ASIC2: variants seen among roughly 807,000 people sequenced by gnomAD.
ASIC2 encodes acid-sensing ion channel 2.
ASIC2 carries 25 observed loss-of-function variants against 57.3 expected under a neutral mutation model. That is an observed-to-expected ratio of 0.44 (90% CI 0.32 to 0.61). The LOEUF (loss-of-function observed/expected upper bound fraction) is 0.61, where lower values mean the gene tolerates loss of function less well. Ranked by LOEUF, ASIC2 falls within the 20% of genes least tolerant of loss-of-function variation. The pLI, the probability that ASIC2 is intolerant of heterozygous loss-of-function variation, is 0.06. For synonymous variants in ASIC2, 319 were observed against 307.5 expected (o/e 1.04, Z -0.39); for missense variants, 641 against 738.1 (o/e 0.87, Z 1.52).
chr17:33,738,996 C>A (rs188771590), intron 1 of ASIC2, among the ~76,000 whole-genome samples: 65 of 152,282 alleles, frequency 4.3e-4, no homozygotes, highest in Non-Finnish European at 7.1e-4. Flanking sequence ...TTCTTTTGTC[C>A]TGGTTTGCCC....
chr17:33,898,069 C>T (rs1282162240), intron 1 of ASIC2, among the ~76,000 whole-genome samples: 1 of 152,062 alleles, frequency 6.6e-6, no homozygotes, highest in Non-Finnish European at 1.5e-5. Flanking sequence ...GGACATGCAA[C>T]AGGATTCCAA....
At chr17:34,129,965 C>T (rs1911902093) in intron 1 of ASIC2, among the ~76,000 whole-genome samples, 1 of 152,182 alleles carries the variant, frequency 6.6e-6, no homozygotes, top group African/African-American at 2.4e-5. Context: ...GGAGCTGGCC[C>T]AGTGGAGCAG....
intron 1 of ASIC2, among the ~76,000 whole-genome samples, chr17:33,827,335 C>CTTTTTTTTTTTTTTTTTT (rs1567726979): frequency 2.7e-5 from 1 of 36,734 alleles, no homozygotes; most frequent in Non-Finnish European, 6.3e-5. Flanking sequence ...TTGCAGCTCA[C>CTTTTTTTTTTTTTTTTTT]TCTTTTTTTT....
chr17:33,514,810 G>T (rs1051829785), intron 1 of ASIC2, among the ~76,000 whole-genome samples: 2 of 152,190 alleles, frequency 1.3e-5, no homozygotes, highest in African/African-American at 4.8e-5. Flanking sequence ...CCTGATTCAT[G>T]GCTTTGCTCA....
At chr17:34,102,551 T>C (rs1295087125) in intron 1 of ASIC2, among the ~76,000 whole-genome samples, 1 of 152,142 alleles carries the variant, frequency 6.6e-6, no homozygotes, top group Non-Finnish European at 1.5e-5. Flanking sequence ...TATAACCTCA[T>C]ATAAATAGAA....
chr17:33,159,199 T>C (rs1316935852), intron 1 of ASIC2, among the ~76,000 whole-genome samples: 2 of 152,190 alleles, frequency 1.3e-5, no homozygotes, highest in African/African-American at 2.4e-5. Flanking sequence ...ACAACAGTAA[T>C]TTGGGCTTAT....
chr17:33,954,337 A>G (rs1904670128), intron 1 of ASIC2, among the ~76,000 whole-genome samples: 1 of 152,092 alleles, frequency 6.6e-6, no homozygotes, highest in African/African-American at 2.4e-5. Flanking sequence ...CATGTGTGGG[A>G]GCAGTCAAAC....
At chr17:33,958,498 C>A (rs67312089) in intron 1 of ASIC2, among the ~76,000 whole-genome samples, 15,838 of 152,170 alleles carry the variant, frequency 0.1, 980 homozygotes, top group Middle Eastern at 0.17. Context: ...GGACCAACAC[C>A]ACATGGAAGC....
chr17:34,036,100 T>C (rs1907864344), intron 1 of ASIC2, among the ~76,000 whole-genome samples: 1 of 151,968 alleles, frequency 6.6e-6, no homozygotes, highest in Non-Finnish European at 1.5e-5. Context: ...ATATTCACAA[T>C]AGCAAAGACT....
intron 3 of ASIC2, among the ~76,000 whole-genome samples, chr17:33,040,204 G>A (rs1007165832): frequency 6.6e-6 from 1 of 152,222 alleles, no homozygotes; most frequent in Non-Finnish European, 1.5e-5. Flanking sequence ...TGCAGTGAGT[G>A]ATGGCTGGAG....
chr17:33,894,455 G>A (rs150981210), intron 1 of ASIC2, among the ~76,000 whole-genome samples: 74 of 152,104 alleles, frequency 4.9e-4, no homozygotes, highest in Non-Finnish European at 8.2e-4. Context: ...TATCAGCAGA[G>A]CGAGTTGTTC....
chr17:33,073,907 G>C (rs2092079239), intron 3 of ASIC2, among the ~76,000 whole-genome samples: 1 of 152,174 alleles, frequency 6.6e-6, no homozygotes, highest in African/African-American at 2.4e-5. Flanking sequence ...TGCCAACAGA[G>C]GGACAGAAGA....
chr17:33,775,613 C>T (rs945217816), intron 1 of ASIC2, among the ~76,000 whole-genome samples: 15 of 151,968 alleles, frequency 9.9e-5, no homozygotes, highest in East Asian at 1.9e-4. Flanking sequence ...GAGTGATGTG[C>T]GTGTGTAATG....
chr17:33,975,884 C>G (rs1464227661), intron 1 of ASIC2, among the ~76,000 whole-genome samples: 2 of 152,096 alleles, frequency 1.3e-5, no homozygotes, highest in Non-Finnish European at 2.9e-5. Flanking sequence ...ATTTAATCCT[C>G]AGGAATGTAA....
intron 3 of ASIC2, among the ~76,000 whole-genome samples, chr17:33,042,416 C>T (rs1052307194): frequency 6.6e-6 from 1 of 152,086 alleles, no homozygotes; most frequent in Non-Finnish European, 1.5e-5. Context: ...TCTTTTAATC[C>T]CCACAATAAC....
chr17:33,751,563 C>T (rs147164828), intron 1 of ASIC2, among the ~76,000 whole-genome samples: 87 of 152,124 alleles, frequency 5.7e-4, no homozygotes, highest in Admixed American at 1.8e-3. Flanking sequence ...ATTTTGAATT[C>T]CAAATCCATT....
At chr17:33,819,960 TG>T (rs1177887797) in intron 1 of ASIC2, among the ~76,000 whole-genome samples, 1 of 152,214 alleles carries the variant, frequency 6.6e-6, no homozygotes, top group Non-Finnish European at 1.5e-5. Context: ...TTCGGTCTCC[TG>T]CCTCTGAATT....
intron 1 of ASIC2, among the ~76,000 whole-genome samples, chr17:33,841,270 A>G (rs1387922312): frequency 6.6e-6 from 1 of 152,244 alleles, no homozygotes; most frequent in Non-Finnish European, 1.5e-5. Flanking sequence ...CATGGACTCC[A>G]GAGGTCTCTG....
intron 1 of ASIC2, among the ~76,000 whole-genome samples, chr17:34,148,805 T>C (rs1211186890): frequency 6.6e-6 from 1 of 152,160 alleles, no homozygotes; most frequent in East Asian, 1.9e-4. Context: ...TAAATTTCCA[T>C]CAAAGGAGAG....
Sources: allele counts gnomAD v4.1 joint callset (sites outside exome capture counted in the v4.1 genomes callset), GRCh38; gene constraint gnomAD v4.1.1; transcripts MANE v1.5; gene names NCBI Gene and HGNC (gene_info 2026-07-23, HGNC 2026-07-21).